The following NRAS variants were observed in gnomAD, a reference collection of about 807,000 sequenced individuals.
NRAS encodes the protein NRAS proto-oncogene, GTPase.
In NRAS, 6 loss-of-function variants were observed where a neutral mutation model predicts 21.3. That is an observed-to-expected ratio of 0.28 (90% confidence interval 0.15 to 0.56). NRAS has a LOEUF of 0.56. Among genes scored for constraint, NRAS ranks in the 20% least tolerant of loss-of-function variants. NRAS has a pLI of 0.93. For synonymous variants in NRAS, 84 were observed against 82.0 expected (o/e 1.02, Z -0.13); for missense variants, 143 against 231.3 (o/e 0.62, Z 2.48).
At chr1:114,714,100 G>A (rs1659106472) in intron 2 of NRAS, 122 bp from the exon 3 acceptor site, 5 of 619,092 alleles carry the variant, frequency 8.1e-6, no homozygotes, top group South Asian at 5.1e-5. Flanking sequence ...GCCCATTTCT[G>A]CCTATCTGGT....
intron 2 of NRAS, 27 bp from the exon 3 acceptor site, chr1:114,714,005 G>T: frequency 2.4e-6 from 3 of 1,236,724 alleles, no homozygotes; most frequent in South Asian, 2.5e-5. Flanking sequence ...TAAGGGGGCA[G>T]GGAGGGAGGG....
chr1:114,713,687 C>T (rs985049586), intron 3 of NRAS, 113 bp downstream of exon 3: 2 of 900,732 alleles, frequency 2.2e-6, no homozygotes, highest in African/African-American at 1.6e-5. Flanking sequence ...AACCTAAAAC[C>T]AACTCTTCCC....
chr1:114,706,228 A>G lies in NRAS; in HGVS notation c.*1866T>C, dbSNP rs1297394025. 6.6e-6 allele frequency: 1 copy of G among 152,242 alleles called. No homozygotes were observed. The highest frequency in any genetic ancestry group is 1.5e-5 in the Non-Finnish European group (1 of 68,052). The allele number at this position is 152,242 out of a possible 1,614,324, so 9.4% of individuals were successfully genotyped here. A position where few individuals can be genotyped will look rare whatever the true frequency, so the allele number is the denominator to read the frequency against. ...TTCAAGGTAATATGACATTTGCTTA[A>G]TAAATGAAAATTCATAATATAGAAG... On this transcript the variant is annotated 3_prime_UTR_variant, in exon 7 of 7. Transcript: ENST00000369535.
Position 114,706,889 on chromosome 1 carries a change from T to C in NRAS, c.*1205A>G, listed in dbSNP as rs1432857438. The C allele has an allele frequency of 6.6e-6, 1 of 152,330 alleles. No homozygotes were observed. The highest frequency in any genetic ancestry group is 1.5e-5 in the Non-Finnish European group (1 of 68,012). 9.4% of individuals were successfully genotyped at this position (152,330 alleles called of 1,614,324 possible). ...GCCCCTATTGCTGTGGGGGAAGCTGTAGAGGGTGGGGTGAGAAGGGGATTG... is the reference window on the plus strand; with the variant it reads ...GCCCCTATTGCTGTGGGGGAAGCTGCAGAGGGTGGGGTGAGAAGGGGATTG... On this transcript the variant is annotated 3_prime_UTR_variant, in exon 7 of 7. Coordinates refer to ENST00000369535, the MANE Select transcript of NRAS (RefSeq NM_002524.5).
rs180892917 is a variant in NRAS, at chr1:114,708,134, C to G, written c.*43+20G>C. On this transcript the variant is annotated intron_variant, in intron 6 of 6. Transcript: ENST00000369535. ...TACAAAATTAACAGGAATGAGAATA[C>G]ATTTCCAAACTTGTCCTACCTTGAA... The G allele has an allele frequency of 4.9e-6, 1 of 205,588 alleles. No individual in the cohort carries two copies. Among genetic ancestry groups the G allele is most frequent in the South Asian group, 8.2e-5 (1 of 12,264 alleles). 12.7% of individuals were successfully genotyped at this position (205,588 alleles called of 1,614,324 possible).
rs1658933325 is a variant in NRAS, at chr1:114,706,981, T to C, written c.*1113A>G. 1 of 152,668 alleles carries C rather than the reference T, an allele frequency of 6.6e-6. No homozygotes were observed. The highest frequency in any genetic ancestry group is 2.4e-5 in the African/African-American group (1 of 41,454). The allele number at this position is 152,668 out of a possible 1,614,324, so 9.5% of individuals were successfully genotyped here. A position where few individuals can be genotyped will look rare whatever the true frequency, so the allele number is the denominator to read the frequency against. ...GAAAATGTAATTTGTTAATATACTA[T>C]ATTTGAGGTTTGAAAATCACTGATC... On this transcript the variant is annotated 3_prime_UTR_variant, in exon 7 of 7. Transcript: ENST00000369535.
chr1:114,705,320 G>A lies in NRAS; in HGVS notation c.*2774C>T, dbSNP rs2101735889. 1 of 152,302 alleles carries A rather than the reference G, an allele frequency of 6.6e-6. No homozygotes were observed. Among genetic ancestry groups the A allele is most frequent in the Non-Finnish European group, 1.5e-5 (1 of 68,018 alleles). The allele number at this position is 152,302 out of a possible 1,614,324, so 9.4% of individuals were successfully genotyped here. On this transcript the variant is annotated 3_prime_UTR_variant, in exon 7 of 7. Transcript: ENST00000369535. ...ATATTGTATTAAGTAACATTCTATA[G>A]TAAGCCGTTGGAGCAAATACAGCAT...
At chr1:114,711,526 G>A (rs1347094544) in intron 3 of NRAS, among the ~76,000 whole-genome samples, 1 of 151,224 alleles carries the variant, frequency 6.6e-6, no homozygotes, top group Non-Finnish European at 1.5e-5. Flanking sequence ...TCTCGAACCC[G>A]GGAGGCGGAG....
rs1658961222 is a variant in NRAS, at chr1:114,708,265, T to C, written c.*5-73A>G. 5 of 446,748 alleles carry C rather than the reference T, an allele frequency of 1.1e-5. No homozygotes were observed. In the South Asian group the frequency reaches 1.3e-4, roughly 11 times the overall value. 27.7% of individuals were successfully genotyped at this position (446,748 alleles called of 1,614,324 possible). ...TAGTGATCCTTCAAATTCCTGGTCATTGCCAGGAATAGGGTATGCCTACAT... is the reference window on the plus strand; with the variant it reads ...TAGTGATCCTTCAAATTCCTGGTCACTGCCAGGAATAGGGTATGCCTACAT... On this transcript the variant is annotated intron_variant, in intron 5 of 6. Transcript: ENST00000369535.
rs1322914099 is a variant in NRAS at position 114,705,157 on chromosome 1, T to G, written c.*2937A>C. 6.6e-6 allele frequency: 1 copy of G among 152,212 alleles called. No individual in the cohort carries two copies. The allele number at this position is 152,212 out of a possible 1,614,324, so 9.4% of individuals were successfully genotyped here. The stretch of plus-strand genomic sequence containing the variant: ...AAAACCCCACATATCTCTAAAGTGT[T>G]TCTCTATCCTTGCTTTCAAGTCATG... On this transcript the variant is annotated 3_prime_UTR_variant, in exon 7 of 7. Transcript: ENST00000369535.
At chr1:114,709,458 T>A (rs895808412) in intron 4 of NRAS, 111 bp downstream of exon 4, 5 of 942,294 alleles carry the variant, frequency 5.3e-6, no homozygotes, top group Admixed American at 4.9e-5. Context: ...AATAAAAAAA[T>A]AAAAATGAAA....
intron 3 of NRAS, among the ~76,000 whole-genome samples, chr1:114,710,105 C>T (rs182502734): frequency 0.026 from 3,932 of 151,140 alleles, 89 homozygotes; most frequent in Non-Finnish European, 0.034. Context: ...GCAGGAGAAT[C>T]GCTTGAACCT....
intron 4 of NRAS, among the ~76,000 whole-genome samples, chr1:114,709,116 C>T (rs575780662): frequency 6.6e-5 from 10 of 152,258 alleles, no homozygotes; most frequent in South Asian, 6.2e-4. Context: ...TTTAAACAAG[C>T]GTTAAGAAAA....
chr1:114,716,287 T>C, intron 1 of NRAS, 110 bp from the exon 2 acceptor site: 1 of 762,798 alleles, frequency 1.3e-6, no homozygotes, highest in Non-Finnish European at 2.4e-6. Context: ...CATTTGGTTC[T>C]TAAAGTGACT....
intron 2 of NRAS, among the ~76,000 whole-genome samples, 197 bp downstream of exon 2, chr1:114,715,853 A>G (rs1371821913): frequency 1.3e-5 from 2 of 152,264 alleles, no homozygotes; most frequent in African/African-American, 4.8e-5. Flanking sequence ...TAAAAACTGG[A>G]CAGGTTTTAG....
intron 4 of NRAS, among the ~76,000 whole-genome samples, chr1:114,709,253 A>G (rs1658985862): frequency 1.3e-5 from 2 of 152,098 alleles, no homozygotes; most frequent in South Asian, 2.1e-4. Flanking sequence ...CCTGGGCAAC[A>G]TGGTAAAACC....
chr1:114,713,753 T>G, intron 3 of NRAS, 47 bp downstream of exon 3: 2 of 1,496,268 alleles, frequency 1.3e-6, no homozygotes, highest in Non-Finnish European at 9.3e-7. Context: ...CCATAAAGAT[T>G]CAGAACACAA....
In NRAS at chr1:114,705,851, T is replaced by C. The variant is rs1445818757; in HGVS notation, c.*2243A>G. On this transcript the variant is annotated 3_prime_UTR_variant, in exon 7 of 7. Coordinates refer to ENST00000369535, the MANE Select transcript of NRAS (RefSeq NM_002524.5). Reference sequence around the variant, plus strand: ...TGAATTTTGGCCCCATTTAGAAACTTCTGTGCTTAGAACATACTTGGAAAA... The same window carrying C: ...TGAATTTTGGCCCCATTTAGAAACTCCTGTGCTTAGAACATACTTGGAAAA... 6.6e-6 allele frequency: 1 copy of C among 152,044 alleles called. No individual in the cohort carries two copies. The highest frequency in any genetic ancestry group is 1.5e-5 in the Non-Finnish European group (1 of 68,038). The allele number at this position is 152,044 out of a possible 1,614,324, so 9.4% of individuals were successfully genotyped here.
At chr1:114,715,936 C>T in intron 2 of NRAS, 114 bp downstream of exon 2, 3 of 751,766 alleles carry the variant, frequency 4.0e-6, no homozygotes, top group Non-Finnish European at 7.3e-6. Flanking sequence ...TGAATGTATA[C>T]CCAAAATAAC....
Sources: gnomAD v4.1 joint callset for allele counts (sites outside exome capture counted in the v4.1 genomes callset) on GRCh38, gnomAD v4.1.1 for gene constraint, MANE v1.5 for transcripts, NCBI Gene and HGNC (gene_info 2026-07-23, HGNC 2026-07-21) for gene names.